The following HEATR5B variants were observed in gnomAD, a reference collection of about 807,000 sequenced individuals.
HEATR5B encodes HEAT repeat-containing protein 5B.
A neutral mutation model predicts 224.1 loss-of-function variants in HEATR5B; 156 were observed. That is an observed-to-expected ratio of 0.70 (90% confidence interval 0.61 to 0.80). The LOEUF is 0.80. HEATR5B is among the 30% of genes least tolerant of loss of function. The pLI, the probability that HEATR5B is intolerant of heterozygous loss-of-function variation, is 0.00. For missense variants in HEATR5B, 2,323 were observed against 2,535.5 expected (o/e 0.92, Z 1.80); for synonymous variants, 1,027 against 893.0 (o/e 1.15, Z -2.68).
chr2:37,059,498 C>T (rs865939817), intron 12 of HEATR5B, among the ~76,000 whole-genome samples: 13 of 119,532 alleles, frequency 1.1e-4, no homozygotes, highest in African/African-American at 3.9e-4. Context: ...GAGTCTCACT[C>T]TGTCAACCAG....
chr2:37,063,716 A>G (rs78196439), intron 10 of HEATR5B, among the ~76,000 whole-genome samples: 5,237 of 152,332 alleles, frequency 0.034, 123 homozygotes, highest in Non-Finnish European at 0.052. Context: ...AAAGTTTCAA[A>G]TAATATTTAT....
intron 4 of HEATR5B, chr2:37,075,962 G>A (rs1052664026): frequency 3.1e-5 from 5 of 158,770 alleles, no homozygotes; most frequent in South Asian, 4.1e-4. Flanking sequence ...ATTTCAGAAC[G>A]TAAAATATTA....
chr2:37,029,186 C>A (rs892250985), intron 22 of HEATR5B, among the ~76,000 whole-genome samples: 6 of 152,056 alleles, frequency 3.9e-5, no homozygotes, highest in Non-Finnish European at 8.8e-5. Context: ...ATACTTGATT[C>A]TAATAAGAAA....
chr2:37,056,792 G>GT (rs1384337753), intron 15 of HEATR5B, among the ~76,000 whole-genome samples, 177 bp from the exon 16 acceptor site: 1 of 152,164 alleles, frequency 6.6e-6, no homozygotes, highest in Non-Finnish European at 1.5e-5. Flanking sequence ...AAAATCATCA[G>GT]TAACACCTTA....
rs766148486 is a variant in HEATR5B at position 36,989,899 on chromosome 2, C to CTTTTTT, written c.5697+743_5697+748dup. Among the ~76,000 whole-genome samples, 152 of 88,898 alleles carry CTTTTTT rather than the reference C, an allele frequency of 1.7e-3. 3 individuals carry two copies. The highest frequency in any genetic ancestry group is 2.6e-3 in the African/African-American group (54 of 21,012). 58.3% of individuals were successfully genotyped at this position (88,898 alleles called of 152,430 possible). On this transcript the variant is annotated intron_variant, in intron 34 of 35. Coordinates refer to ENST00000233099, the MANE Select transcript of HEATR5B (RefSeq NM_019024.3). ...CAGTACTGGAATCCAAGAATGTTTC[C>CTTTTTT]TTTTTTTTTTTTTTTTTTTTTTTTG...
At chr2:36,991,105 G>A (rs1408220081) in intron 33 of HEATR5B, among the ~76,000 whole-genome samples, 1 of 152,146 alleles carries the variant, frequency 6.6e-6, no homozygotes, top group East Asian at 1.9e-4. Flanking sequence ...AAAGTTAAAT[G>A]TATGCAGTTA....
chr2:37,005,921 A>G (rs936239630), intron 29 of HEATR5B, among the ~76,000 whole-genome samples, 162 bp from the exon 30 acceptor site: 1 of 152,108 alleles, frequency 6.6e-6, no homozygotes, highest in Non-Finnish European at 1.5e-5. Context: ...AAACAGCCAA[A>G]CTCAACATAA....
chr2:37,022,717 G>T (rs1198923126), intron 24 of HEATR5B, among the ~76,000 whole-genome samples: 1 of 152,134 alleles, frequency 6.6e-6, no homozygotes, highest in Non-Finnish European at 1.5e-5. Context: ...TATGGAAAAG[G>T]GAAATGTTTT....
intron 24 of HEATR5B, among the ~76,000 whole-genome samples, chr2:37,026,838 G>A (rs949975876): frequency 3.9e-5 from 6 of 152,072 alleles, no homozygotes; most frequent in South Asian, 2.1e-4. Context: ...TTGCTCTGTC[G>A]CTCAGGCTGG....
At chr2:36,997,656 A>T (rs1379832776) in intron 33 of HEATR5B, among the ~76,000 whole-genome samples, 2 of 136,764 alleles carry the variant, frequency 1.5e-5, no homozygotes, top group Non-Finnish European at 3.1e-5. Context: ...AACCTCTGCC[A>T]CCCAGGTTCA....
Position 37,068,842 on chromosome 2 carries a change from G to A in HEATR5B, c.1016C>T (p.Ser339Phe). Residue 339 changes from serine to phenylalanine, a missense_variant, in exon 8 of 36, where the codon TCC becomes TTC. Around this residue, in one of 12 missense-constraint regions of HEATR5B, gnomAD observed 502 missense variants for 517.8 expected, o/e 0.97. Transcript: ENST00000233099. ...TFLSHVLDLV[S>F]HPRATQTHVE... ...ATGTGTTTGTGTTGCCCGAGGATGG[G>A]AAACCAGATCAAGTACATGGGACAG... is the stretch of plus-strand genomic sequence containing the variant. 1 of 1,614,124 alleles carries A rather than the reference G, an allele frequency of 6.2e-7. No homozygotes were observed. The highest frequency in any genetic ancestry group is 8.5e-7 in the Non-Finnish European group (1 of 1,180,024).
At chr2:37,071,965 T>G in intron 6 of HEATR5B, 145 bp downstream of exon 6, 1 of 584,038 alleles carries the variant, frequency 1.7e-6, no homozygotes, top group Non-Finnish European at 2.9e-6. Flanking sequence ...ATTACAGGCA[T>G]GAGTCACCGC....
At chr2:36,993,541 TA>T (rs1010348134) in intron 33 of HEATR5B, among the ~76,000 whole-genome samples, 608 of 129,114 alleles carry the variant, frequency 4.7e-3, no homozygotes, top group Admixed American at 5.7e-3. Context: ...AGACTCTGTT[TA>T]AAAAAAAAAA....
rs146564356 is a variant in HEATR5B at position 37,083,147 on chromosome 2, C to A, written c.126+142G>T. 1,066 of 887,392 alleles carry A rather than the reference C, an allele frequency of 1.2e-3. 13 individuals carry two copies. In the East Asian group the frequency reaches 0.025, roughly 21 times the overall value. 55.0% of individuals were successfully genotyped at this position (887,392 alleles called of 1,614,324 possible). A position where few individuals can be genotyped will look rare whatever the true frequency, so the allele number is the denominator to read the frequency against. ...TTTAAACGAGGTTTGAGTTTTGCCA[C>A]TAAATTTCCCATTCGTGTAATACTC... On this transcript the variant is annotated intron_variant, in intron 2 of 35. Coordinates refer to ENST00000233099, the MANE Select transcript of HEATR5B (RefSeq NM_019024.3).
At chr2:37,041,797 G>T (rs1669889595) in intron 18 of HEATR5B, among the ~76,000 whole-genome samples, 1 of 150,816 alleles carries the variant, frequency 6.6e-6, no homozygotes, top group Non-Finnish European at 1.5e-5. Context: ...ACATATATTT[G>T]ACTGAATAAA....
At chr2:37,015,013 T>A (rs1572808205) in intron 26 of HEATR5B, among the ~76,000 whole-genome samples, 4 of 151,574 alleles carry the variant, frequency 2.6e-5, no homozygotes, top group Admixed American at 2.6e-4. Context: ...GAAAAAAAAA[T>A]CTAGTCCCTA....
intron 12 of HEATR5B, among the ~76,000 whole-genome samples, chr2:37,059,867 G>A (rs1479997624): frequency 2.0e-5 from 3 of 152,016 alleles, no homozygotes; most frequent in Non-Finnish European, 4.4e-5. Context: ...TGGCCCCTTA[G>A]CAATAGAGCC....
At position 37,071,310 on chromosome 2, in the gene HEATR5B, C is replaced by A. The variant is rs567446967; in HGVS notation, c.769+800G>T. Among the ~76,000 whole-genome samples, 40 of 152,262 alleles carry A rather than the reference C, an allele frequency of 2.6e-4. 1 individual carries two copies. The highest frequency in any genetic ancestry group is 8.9e-4 in the African/African-American group (37 of 41,548). On this transcript the variant is annotated intron_variant, in intron 6 of 35. Transcript: ENST00000233099. ...TACAGAGGTGGGGTAGAGGTAGGGA[C>A]AAGACTGGGGCAGGGTTCACTCAGC... is the stretch of plus-strand genomic sequence containing the variant.
rs755987903 is a variant in HEATR5B, at chr2:37,000,813, C to T, written c.5318G>A (p.Gly1773Glu). 1 of 1,601,574 alleles carries T rather than the reference C, an allele frequency of 6.2e-7. No homozygotes were observed. The highest frequency in any genetic ancestry group is 8.6e-7 in the Non-Finnish European group (1 of 1,168,852). The change falls in exon 33 of 36, where the codon GGA (glycine) becomes GAA (glutamate). Residue 1773 changes from glycine to glutamate, a missense_variant and splice_region_variant. Gly to Glu is a moderately conservative substitution (Grantham distance 98). This residue lies in a region of HEATR5B where 844 missense variants were observed against 812.9 expected (regional missense o/e 1.04). Coordinates refer to ENST00000233099, the MANE Select transcript of HEATR5B (RefSeq NM_019024.3). ...AATTGTGGGCAGGATTGTCATACAT[C>T]CTGAAAGAAAAACAAATCAGATCAC... ...SDLPSLCSPA[G>E]CMTILPTILF...
Sources: gnomAD v4.1 joint callset for allele counts (sites outside exome capture counted in the v4.1 genomes callset) on GRCh38, gnomAD v4.1.1 for gene constraint, gnomAD v4.1.1 regional missense constraint, MANE v1.5 for transcripts, NCBI Gene and HGNC (gene_info 2026-07-23, HGNC 2026-07-21) for gene names.